The following DOCK7 variants were observed in gnomAD, a reference collection of about 807,000 sequenced individuals.
DOCK7 encodes the protein dedicator of cytokinesis 7, also known as dedicator of cytokinesis protein 7.
In DOCK7, 138 loss-of-function variants were observed where a neutral mutation model predicts 271.0. The observed-to-expected ratio is 0.51, with a 90% CI of 0.44 to 0.59. The LOEUF (loss-of-function observed/expected upper bound fraction) is 0.59, where lower values mean the gene tolerates loss of function less well. Among genes scored for constraint, DOCK7 ranks in the 20% least tolerant of loss-of-function variants. The probability of loss-of-function intolerance (pLI) is 0.00; values close to 1 mark genes in which losing one functional copy is unlikely to be tolerated. For missense variants in DOCK7, 2,066 were observed against 2,592.4 expected, an observed-to-expected ratio of 0.80 and a Z score of 4.41; for synonymous variants, 823 against 876.1, an observed-to-expected ratio of 0.94 and a Z score of 1.07.
chr1:62,579,002 A>G (rs1647028459), intron 16 of DOCK7, 36 bp from the exon 17 acceptor site: 2 of 1,503,556 alleles, frequency 1.3e-6, no homozygotes, highest in Non-Finnish European at 1.8e-6. Flanking sequence ...AACAGTCAGT[A>G]ATTTGTCCAA....
chr1:62,567,155 T>C (rs916101907), intron 18 of DOCK7, among the ~76,000 whole-genome samples: 1 of 152,234 alleles, frequency 6.6e-6, no homozygotes, highest in Admixed American at 6.5e-5. Context: ...CTCAAGGATC[T>C]AGAACTACAA....
intron 43 of DOCK7, chr1:62,485,684 G>A (rs1315064309): frequency 2.0e-6 from 2 of 985,212 alleles, no homozygotes; most frequent in African/African-American, 1.7e-5. Flanking sequence ...TAAAAGTGGG[G>A]AGTAGGGTCA....
intron 1 of DOCK7, among the ~76,000 whole-genome samples, chr1:62,667,038 C>T (rs757371805): frequency 2.0e-5 from 3 of 152,158 alleles, no homozygotes; most frequent in African/African-American, 4.8e-5. Flanking sequence ...ACCCACATTC[C>T]GAGAGAAAAT....
intron 29 of DOCK7, among the ~76,000 whole-genome samples, chr1:62,531,087 T>C (rs1232361414): frequency 6.6e-6 from 1 of 152,228 alleles, no homozygotes; most frequent in Non-Finnish European, 1.5e-5. Context: ...TGTCACCTTA[T>C]ATATTCTCTT....
chr1:62,494,212 T>G, intron 40 of DOCK7, 63 bp downstream of exon 40: 8 of 1,399,842 alleles, frequency 5.7e-6, no homozygotes, highest in Non-Finnish European at 7.6e-6. Context: ...TAAACACCAG[T>G]GAGAAAAGCT....
At chr1:62,492,668 G>A in intron 41 of DOCK7, 36 bp downstream of exon 41, 1 of 1,612,158 alleles carries the variant, frequency 6.2e-7, no homozygotes, top group Non-Finnish European at 8.5e-7. Context: ...TTAGAGGTAT[G>A]AAACTGTGGG....
intron 11 of DOCK7, among the ~76,000 whole-genome samples, chr1:62,630,115 A>G (rs1243365826): frequency 6.6e-6 from 1 of 152,162 alleles, no homozygotes; most frequent in Admixed American, 6.5e-5. Context: ...GTTCCGAGCT[A>G]AGGAACCTGG....
At chr1:62,648,369 TA>T (rs1656934357) in intron 5 of DOCK7, 45 bp downstream of exon 5, 11 of 1,433,914 alleles carry the variant, frequency 7.7e-6, no homozygotes, top group Non-Finnish European at 8.3e-6. Flanking sequence ...AATTGACAAC[TA>T]TTTTTAAATA....
At chr1:62,586,701 A>C in intron 14 of DOCK7, 77 bp from the exon 15 acceptor site, 1 of 816,534 alleles carries the variant, frequency 1.2e-6, no homozygotes, top group Non-Finnish European at 1.9e-6. Context: ...ATACCACAAA[A>C]TAAGTGACCA....
At chr1:62,615,704 T>C (rs1448149675) in intron 14 of DOCK7, among the ~76,000 whole-genome samples, 8 of 151,742 alleles carry the variant, frequency 5.3e-5, no homozygotes, top group Non-Finnish European at 8.9e-5. Context: ...ATGGTTATTC[T>C]ATAAACATTT....
intron 49 of DOCK7, among the ~76,000 whole-genome samples, chr1:62,457,322 C>G (rs766767610): frequency 6.6e-6 from 1 of 152,140 alleles, no homozygotes; most frequent in Non-Finnish European, 1.5e-5. Flanking sequence ...TGACATGATG[C>G]TCAAAGGAAA....
intron 1 of DOCK7, among the ~76,000 whole-genome samples, chr1:62,673,667 A>C (rs541981432): frequency 6.6e-6 from 1 of 152,322 alleles, no homozygotes; most frequent in Admixed American, 6.5e-5. Context: ...ACCCATAAAC[A>C]TACAAAATTA....
intron 25 of DOCK7, among the ~76,000 whole-genome samples, chr1:62,540,136 T>C (rs1645481289): frequency 6.6e-6 from 1 of 151,806 alleles, no homozygotes; most frequent in African/African-American, 2.4e-5. Flanking sequence ...AAAAATTCTG[T>C]GTATGTCAAC....
intron 1 of DOCK7, among the ~76,000 whole-genome samples, chr1:62,678,275 T>C (rs776477649): frequency 1.3e-5 from 2 of 152,162 alleles, no homozygotes; most frequent in Non-Finnish European, 2.9e-5. Context: ...AAGTCAGTTA[T>C]AAGGATTGAA....
chr1:62,552,984 A>G, intron 21 of DOCK7, 83 bp from the exon 22 acceptor site: 1 of 1,099,736 alleles, frequency 9.1e-7, no homozygotes, highest in Non-Finnish European at 1.2e-6. Flanking sequence ...CACTTTAGAA[A>G]ATTCCACAAA....
intron 48 of DOCK7, among the ~76,000 whole-genome samples, chr1:62,462,907 G>GA (rs1645571056): frequency 1.5e-5 from 1 of 67,704 alleles, no homozygotes; most frequent in East Asian, 4.9e-4. Flanking sequence ...TTTTAAAGTA[G>GA]AAAAAGCTTT....
chr1:62,501,199 A>AT (rs1646773730), intron 37 of DOCK7, among the ~76,000 whole-genome samples: 1 of 152,110 alleles, frequency 6.6e-6, no homozygotes, highest in Non-Finnish European at 1.5e-5. Context: ...ACAAACAAAA[A>AT]AACACTTGGA....
intron 36 of DOCK7, 146 bp from the exon 37 acceptor site, chr1:62,504,928 T>C (rs1330409810): frequency 2.9e-6 from 3 of 1,019,792 alleles, no homozygotes; most frequent in East Asian, 5.4e-5. Flanking sequence ...GTTAATAGTG[T>C]GAGACACAGA....
At chr1:62,458,824 C>A (rs557272519) in intron 48 of DOCK7, 2 of 152,302 alleles carry the variant, frequency 1.3e-5, no homozygotes, top group Admixed American at 6.5e-5. Flanking sequence ...AGCCACCGTG[C>A]CCGGCTAAAT....
Sources: allele counts gnomAD v4.1 joint callset (sites outside exome capture counted in the v4.1 genomes callset), GRCh38; gene constraint gnomAD v4.1.1; transcripts MANE v1.5; gene names NCBI Gene and HGNC (gene_info 2026-07-23, HGNC 2026-07-21).